The following SLC25A21 variants were observed in gnomAD, a reference collection of about 807,000 sequenced individuals.
SLC25A21 encodes the protein mitochondrial 2-oxodicarboxylate carrier.
SLC25A21 carries 47 observed loss-of-function variants against 43.8 expected under a neutral mutation model. The ratio of observed to expected loss-of-function variants is 1.07; its 90% CI spans 0.85 to 1.37. The LOEUF is 1.37. Among genes scored for constraint, SLC25A21 ranks in the 40% most tolerant of loss-of-function variants. The pLI, the probability that SLC25A21 is intolerant of heterozygous loss-of-function variation, is 0.00. For missense variants in SLC25A21, 352 were observed against 350.2 expected (o/e 1.00, Z -0.04); for synonymous variants, 131 against 121.3 (o/e 1.08, Z -0.52).
intron 1 of SLC25A21, among the ~76,000 whole-genome samples, chr14:36,922,137 TAA>T (rs564666171): frequency 3.8e-5 from 5 of 131,230 alleles, no homozygotes; most frequent in Admixed American, 7.7e-5. Context: ...AGATTCTGCC[TAA>T]AAAAAAAAAA....
chr14:37,114,603 A>G (rs1451961368), intron 1 of SLC25A21, among the ~76,000 whole-genome samples: 1 of 152,216 alleles, frequency 6.6e-6, no homozygotes, highest in Non-Finnish European at 1.5e-5. Flanking sequence ...CATTATCAAT[A>G]TATCATAGAA....
intron 1 of SLC25A21, among the ~76,000 whole-genome samples, chr14:36,969,498 A>T (rs934451992): frequency 6.6e-6 from 1 of 151,954 alleles, no homozygotes; most frequent in Non-Finnish European, 1.5e-5. Flanking sequence ...AAAAACAAAA[A>T]TTTTTTTAGA....
chr14:36,950,550 T>A (rs1892784381), intron 1 of SLC25A21, among the ~76,000 whole-genome samples: 2 of 152,290 alleles, frequency 1.3e-5, no homozygotes, highest in South Asian at 4.1e-4. Context: ...CCTCTAGAAC[T>A]AAGAGAAAAT....
chr14:36,704,327 T>C (rs1008130630), intron 7 of SLC25A21, among the ~76,000 whole-genome samples: 22 of 152,306 alleles, frequency 1.4e-4, no homozygotes, highest in Admixed American at 9.2e-4. Flanking sequence ...ATTTAAATTT[T>C]AGTAACCACT....
intron 2 of SLC25A21, among the ~76,000 whole-genome samples, chr14:36,857,909 T>C (rs949169386): frequency 6.6e-6 from 1 of 152,222 alleles, no homozygotes; most frequent in African/African-American, 2.4e-5. Context: ...TTTGTTTTTA[T>C]TGGCTTTCGG....
intron 2 of SLC25A21, among the ~76,000 whole-genome samples, chr14:36,868,885 C>T (rs1024021222): frequency 6.6e-6 from 1 of 152,178 alleles, no homozygotes; most frequent in Admixed American, 6.5e-5. Context: ...AAGCAGAGGA[C>T]TTCTCCCATC....
At chr14:36,891,447 G>A (rs1470815164) in intron 1 of SLC25A21, among the ~76,000 whole-genome samples, 1 of 152,140 alleles carries the variant, frequency 6.6e-6, no homozygotes, top group Non-Finnish European at 1.5e-5. Context: ...AGAGCAAAAT[G>A]TGAAGAGCAA....
intron 1 of SLC25A21, among the ~76,000 whole-genome samples, chr14:36,922,226 C>A (rs1334290163): frequency 1.3e-5 from 2 of 151,988 alleles, no homozygotes; most frequent in African/African-American, 4.8e-5. Flanking sequence ...AATTTGCCCT[C>A]CTTCCACCAT....
At chr14:37,153,649 C>T (rs1963797629) in intron 1 of SLC25A21, among the ~76,000 whole-genome samples, 1 of 152,218 alleles carries the variant, frequency 6.6e-6, no homozygotes, top group Non-Finnish European at 1.5e-5. Flanking sequence ...CAGCAGCTCC[C>T]TCTCCAGTGG....
intron 1 of SLC25A21, among the ~76,000 whole-genome samples, chr14:36,935,677 T>C (rs930846370): frequency 1.3e-5 from 1 of 78,770 alleles, no homozygotes; most frequent in Non-Finnish European, 2.8e-5. Context: ...GAATAAAACA[T>C]TCTTGCAAAT....
chr14:36,684,643 C>T, intron 8 of SLC25A21, 101 bp downstream of exon 8: 1 of 1,103,382 alleles, frequency 9.1e-7, no homozygotes, highest in Non-Finnish European at 1.3e-6. Context: ...ACAAGCTCCA[C>T]TTAGGAGGGC....
At chr14:36,745,680 T>C (rs917640964) in intron 3 of SLC25A21, among the ~76,000 whole-genome samples, 7 of 152,214 alleles carry the variant, frequency 4.6e-5, no homozygotes, top group Non-Finnish European at 8.8e-5. Flanking sequence ...TGCCTACTTT[T>C]TGATGGGGTT....
intron 4 of SLC25A21, among the ~76,000 whole-genome samples, chr14:36,730,902 A>G (rs956383002): frequency 9.9e-5 from 15 of 151,912 alleles, no homozygotes; most frequent in African/African-American, 2.2e-4. Context: ...ACCAGGGACC[A>G]CCACTTTTCT....
intron 3 of SLC25A21, among the ~76,000 whole-genome samples, chr14:36,742,761 A>T (rs981524647): frequency 6.6e-6 from 1 of 152,190 alleles, no homozygotes; most frequent in African/African-American, 2.4e-5. Flanking sequence ...CCCAACTCAT[A>T]TCAGGTCTTC....
At chr14:36,736,942 GA>G (rs1249131145) in intron 3 of SLC25A21, among the ~76,000 whole-genome samples, 2 of 152,188 alleles carry the variant, frequency 1.3e-5, no homozygotes, top group African/African-American at 4.8e-5. Flanking sequence ...CTAATGGTCA[GA>G]ACGGTCTAAA....
chr14:36,821,451 G>T (rs1465698653), intron 2 of SLC25A21, among the ~76,000 whole-genome samples: 1 of 152,082 alleles, frequency 6.6e-6, no homozygotes, highest in Admixed American at 6.6e-5. Flanking sequence ...GAAGTATCTT[G>T]TAATGTGAAT....
At chr14:37,166,318 G>A (rs1434770471) in intron 1 of SLC25A21, among the ~76,000 whole-genome samples, 1 of 152,182 alleles carries the variant, frequency 6.6e-6, no homozygotes, top group South Asian at 2.1e-4. Flanking sequence ...GAGTGAGCAA[G>A]GTACTACTTA....
intron 1 of SLC25A21, among the ~76,000 whole-genome samples, chr14:36,922,489 A>G (rs1170048726): frequency 6.6e-6 from 1 of 152,040 alleles, no homozygotes; most frequent in Non-Finnish European, 1.5e-5. Flanking sequence ...AATAATAGAG[A>G]GGAGAAATCA....
At chr14:36,822,776 C>G (rs1355068580) in intron 2 of SLC25A21, among the ~76,000 whole-genome samples, 1 of 152,158 alleles carries the variant, frequency 6.6e-6, no homozygotes, top group African/African-American at 2.4e-5. Context: ...TTCCTGTGAT[C>G]CTAGACACAT....
Sources: gnomAD v4.1 joint callset for allele counts (sites outside exome capture counted in the v4.1 genomes callset) on GRCh38, gnomAD v4.1.1 for gene constraint, MANE v1.5 for transcripts, NCBI Gene and HGNC (gene_info 2026-07-23, HGNC 2026-07-21) for gene names.